The following SLC31A2 variants were observed in gnomAD, a reference collection of about 807,000 sequenced individuals.
SLC31A2 encodes protein SLC31A2.
SLC31A2 carries 16 observed loss-of-function variants against 14.4 expected under a neutral mutation model. The ratio of observed to expected loss-of-function variants is 1.11; its 90% CI spans 0.75 to 1.69. SLC31A2 has a LOEUF of 1.69. Among genes scored for constraint, SLC31A2 ranks in the 40% most tolerant of loss-of-function variants. SLC31A2 has a pLI of 0.00. For missense variants in SLC31A2, 140 were observed against 173.9 expected (o/e 0.81, Z 1.10); for synonymous variants, 56 against 68.7 (o/e 0.82, Z 0.91).
intron 1 of SLC31A2, among the ~76,000 whole-genome samples, chr9:113,155,635 G>A (rs1228097407): frequency 6.6e-6 from 1 of 152,192 alleles, no homozygotes; most frequent in Admixed American, 6.5e-5. Context: ...AGTGCAGAAA[G>A]CTATTAAACC....
chr9:113,158,003 AAGGCCGAG>A, intron 2 of SLC31A2: 2 of 649,752 alleles, frequency 3.1e-6, no homozygotes, highest in South Asian at 1.5e-5. Flanking sequence ...GATCCTCACA[AAGGCCGAG>A]AGGCAGGGAG....
intron 1 of SLC31A2, among the ~76,000 whole-genome samples, chr9:113,155,353 A>T (rs1829920673): frequency 6.6e-6 from 1 of 152,240 alleles, no homozygotes; most frequent in Non-Finnish European, 1.5e-5. Flanking sequence ...GCAACTTGGC[A>T]AGTTACTTAA....
chr9:113,162,798 G>T lies in SLC31A2; in HGVS notation c.313G>T (p.Val105Phe), dbSNP rs986670585. ...GQSLIHVIQVVIGYFIMLAVM... is the reference protein window; with the variant it reads ...GQSLIHVIQVFIGYFIMLAVM... ...GTCTCTAATCCATGTCATCCAGGTG[G>T]TCATCGGCTACTTCATCATGCTGGC... Residue 105 changes from valine (V) to phenylalanine (F), a missense_variant, in exon 4 of 4, where the codon GTC becomes TTC. Coordinates refer to ENST00000259392, the MANE Select transcript of SLC31A2 (RefSeq NM_001860.3). The T allele has an allele frequency of 6.2e-7, 1 of 1,613,700 alleles. No individual in the cohort carries two copies. The highest frequency in any genetic ancestry group is 1.3e-5 in the African/African-American group (1 of 74,988).
At chr9:113,160,038 G>A (rs4273923) in intron 2 of SLC31A2, among the ~76,000 whole-genome samples, 10,652 of 152,164 alleles carry the variant, frequency 0.07, 457 homozygotes, top group South Asian at 0.13. Context: ...TTAGCCAGGC[G>A]TGGTGGGGGG....
rs748349688 is a variant in SLC31A2, at chr9:113,151,025, G to A, written c.-50G>A. The A allele has an allele frequency of 1.1e-5, 14 of 1,296,862 alleles. No homozygotes were observed. Among genetic ancestry groups the A allele is most frequent in the Middle Eastern group, 4.3e-4 (2 of 4,636 alleles). The allele number at this position is 1,296,862 out of a possible 1,614,324, so 80.3% of individuals were successfully genotyped here. ...GGCGGTTGAACTGACTCGGAGCGAG[G>A]AGACCCGAGCGAGCAGACGCGGCCC... On this transcript the variant is annotated 5_prime_UTR_variant, in exon 1 of 4. Transcript: ENST00000259392. This position sits in a 1 kb window ranked among gnomAD's most constrained non-coding sequence, Gnocchi z 4.2.
intron 2 of SLC31A2, among the ~76,000 whole-genome samples, chr9:113,158,430 T>C (rs1179442800): frequency 6.6e-6 from 1 of 152,212 alleles, no homozygotes; most frequent in Admixed American, 6.5e-5. Context: ...GAATAAACAG[T>C]GGCTTAAAAC....
At chr9:113,161,731 G>C in intron 3 of SLC31A2, 33 bp downstream of exon 3, 1 of 1,606,654 alleles carries the variant, frequency 6.2e-7, no homozygotes, top group Non-Finnish European at 8.5e-7. Flanking sequence ...AGGGGCAGAA[G>C]CCTCACATTC....
In SLC31A2 at chr9:113,163,178, TA is replaced by T; in HGVS notation, c.*263del. ...GCTGTGACCAAAGGGAGAATGGAGA[TA>T]ACAGGGGTGGCAGGGTTACTGAGCC... On this transcript the variant is annotated 3_prime_UTR_variant, in exon 4 of 4. Coordinates refer to ENST00000259392, the MANE Select transcript of SLC31A2 (RefSeq NM_001860.3). 3.3e-6 allele frequency: 1 copy of T among 301,686 alleles called. No individual in the cohort carries two copies. The highest frequency in any genetic ancestry group is 6.1e-6 in the Non-Finnish European group (1 of 164,110). The allele number at this position is 301,686 out of a possible 1,614,324, so 18.7% of individuals were successfully genotyped here.
At position 113,162,774 on chromosome 9, in the gene SLC31A2, T is replaced by G. The variant is rs1428969399; in HGVS notation, c.289T>G (p.Ser97Ala). The G allele has an allele frequency of 1.2e-6, 2 of 1,613,490 alleles. No homozygotes were observed. The highest frequency in any genetic ancestry group is 1.7e-6 in the Non-Finnish European group (2 of 1,179,660). Residue 97 changes from serine to alanine, a missense_variant, in exon 4 of 4, where the codon TCT becomes GCT. Transcript: ENST00000259392. ...GTGGTATTTGTGTCACTTTGGCCAGTCTCTAATCCATGTCATCCAGGTGGT... is the reference window on the plus strand; with the variant it reads ...GTGGTATTTGTGTCACTTTGGCCAGGCTCTAATCCATGTCATCCAGGTGGT... ...HRWYLCHFGQ[S>A]LIHVIQVVIG...
At chr9:113,158,105 G>A (rs532897485) in intron 2 of SLC31A2, 3 of 500,876 alleles carry the variant, frequency 6.0e-6, no homozygotes, top group South Asian at 3.1e-5. Context: ...CAGTAAGTAC[G>A]CATCAGAGCC....
chr9:113,162,655 G>C (rs1182576135), intron 3 of SLC31A2, 94 bp from the exon 4 acceptor site: 1 of 1,190,914 alleles, frequency 8.4e-7, no homozygotes, highest in Non-Finnish European at 1.2e-6. Flanking sequence ...ATCGGGTCAC[G>C]TAACTCAACA....
At chr9:113,159,209 C>G (rs954374684) in intron 2 of SLC31A2, among the ~76,000 whole-genome samples, 10 of 152,126 alleles carry the variant, frequency 6.6e-5, no homozygotes, top group African/African-American at 2.4e-4. Flanking sequence ...TGGCTCACTG[C>G]AATCTCCACC....
At chr9:113,159,772 G>C (rs1829983869) in intron 2 of SLC31A2, among the ~76,000 whole-genome samples, 2 of 152,228 alleles carry the variant, frequency 1.3e-5, no homozygotes, top group Non-Finnish European at 2.9e-5. Context: ...GTCCCAGCTT[G>C]TCTCCCGTAC....
chr9:113,155,638 A>G (rs1829923607), intron 1 of SLC31A2, among the ~76,000 whole-genome samples: 1 of 152,210 alleles, frequency 6.6e-6, no homozygotes, highest in South Asian at 2.1e-4. Context: ...GCAGAAAGCT[A>G]TTAAACCTTA....
At chr9:113,156,110 A>G (rs753078010) in intron 1 of SLC31A2, 1 of 518,738 alleles carries the variant, frequency 1.9e-6, no homozygotes, top group Non-Finnish European at 3.8e-6. Context: ...AATGGCAGCT[A>G]ATCAAATCTG....
intron 1 of SLC31A2, among the ~76,000 whole-genome samples, chr9:113,153,598 ATAG>A (rs1475990000): frequency 6.6e-6 from 1 of 152,210 alleles, no homozygotes; most frequent in African/African-American, 2.4e-5. Context: ...GAGGTTAATA[ATAG>A]TAGGCACCTG....
intron 2 of SLC31A2, 70 bp from the exon 3 acceptor site, chr9:113,161,439 C>A: frequency 7.2e-7 from 1 of 1,384,292 alleles, no homozygotes; most frequent in Non-Finnish European, 1.0e-6. Context: ...ATTCCATGAA[C>A]AGGTGGAGGT....
intron 1 of SLC31A2, among the ~76,000 whole-genome samples, chr9:113,157,426 ATCCCCACATAG>A (rs1829948339): frequency 6.6e-6 from 1 of 152,234 alleles, no homozygotes; most frequent in African/African-American, 2.4e-5. Context: ...TGGAGGGGAC[ATCCCCACATAG>A]TCTGAGGACA....
At chr9:113,161,372 A>C in intron 2 of SLC31A2, 137 bp from the exon 3 acceptor site, 2 of 776,354 alleles carry the variant, frequency 2.6e-6, no homozygotes, top group Non-Finnish European at 4.3e-6. Flanking sequence ...ACAGTGAAGA[A>C]GTTCGGAACT....
Sources: allele counts gnomAD v4.1 joint callset (sites outside exome capture counted in the v4.1 genomes callset), GRCh38; gene constraint gnomAD v4.1.1; non-coding constraint Gnocchi (gnomAD v3.1); transcripts MANE v1.5; gene names NCBI Gene and HGNC (gene_info 2026-07-23, HGNC 2026-07-21).